The following DISP3 variants were observed in gnomAD, a reference collection of about 807,000 sequenced individuals.
The protein encoded by DISP3 is dispatched RND transporter family member 3.
Under a neutral mutation model 135.3 loss-of-function variants are expected in DISP3, and 101 were observed. The ratio of observed to expected loss-of-function variants is 0.75; its 90% CI spans 0.64 to 0.88. The LOEUF is 0.88. Among genes scored for constraint, DISP3 ranks in the 40% least tolerant of loss-of-function variants. The pLI is 0.00. For synonymous variants in DISP3, 856 were observed against 817.0 expected (o/e 1.05, Z -0.81); for missense variants, 1,713 against 1,878.6 (o/e 0.91, Z 1.63).
chr1:11,534,489 C>T lies in DISP3; in HGVS notation c.3484C>T (p.Arg1162Trp), dbSNP rs745350833. 14 of 1,613,828 alleles carry T rather than the reference C, an allele frequency of 8.7e-6. No individual in the cohort carries two copies. Among genetic ancestry groups the T allele is most frequent in the South Asian group, 4.4e-5 (4 of 91,064 alleles). Residue 1162 changes from arginine to tryptophan, a missense_variant, in exon 18 of 21, where the codon CGG becomes TGG. By Grantham distance (101) the Arg-to-Trp change is moderately radical (BLOSUM62 -3). Coordinates refer to ENST00000294484, the MANE Select transcript of DISP3 (RefSeq NM_020780.2). ...CTTGCCCGAGGGCTCAGTCCTGCGC[C>T]GGGGCTTCCAGACCTGCGAGCACTG... ...QALPEGSVLR[R>W]GFQTCEHWKQ...
At chr1:11,532,706 T>C (rs1436527330) in intron 17 of DISP3, among the ~76,000 whole-genome samples, 1 of 152,134 alleles carries the variant, frequency 6.6e-6, no homozygotes, top group Non-Finnish European at 1.5e-5. Context: ...TTTTTTTGTT[T>C]GTTTGTTTGT....
In DISP3 at chr1:11,493,073, A is replaced by G. The variant is rs537812577; in HGVS notation, c.-3-7917A>G. 6.6e-5 allele frequency among the ~76,000 whole-genome samples: 10 copies of G among 152,266 alleles called. No homozygotes were observed. In the East Asian group the frequency reaches 1.9e-3, roughly 29 times the overall value. ...AATAGCATATATATATCAGAGAGAG[A>G]TTTATTAGAAGGAATTGGCTTATGT... On this transcript the variant is annotated intron_variant, in intron 1 of 20. Coordinates refer to ENST00000294484, the MANE Select transcript of DISP3 (RefSeq NM_020780.2).
intron 3 of DISP3, among the ~76,000 whole-genome samples, chr1:11,511,880 G>T (rs1008521878): frequency 2.6e-5 from 4 of 152,190 alleles, no homozygotes; most frequent in African/African-American, 9.7e-5. Flanking sequence ...GTAGGTGGAG[G>T]TTCCCAAATC....
At chr1:11,518,853 C>CCA (rs1199027123) in intron 7 of DISP3, among the ~76,000 whole-genome samples, 1 of 152,112 alleles carries the variant, frequency 6.6e-6, no homozygotes, top group Non-Finnish European at 1.5e-5. Flanking sequence ...GTGGTATTAG[C>CCA]CACACACACA....
chr1:11,481,061 T>TCACA (rs144258748), intron 1 of DISP3, among the ~76,000 whole-genome samples: 15,020 of 137,800 alleles, frequency 0.11, 935 homozygotes, highest in East Asian at 0.24. Context: ...TCTCTCTCTC[T>TCACA]CTCACACACA....
At chr1:11,490,253 G>A (rs964820152) in intron 1 of DISP3, among the ~76,000 whole-genome samples, 2 of 151,224 alleles carry the variant, frequency 1.3e-5, no homozygotes, top group Admixed American at 1.3e-4. Flanking sequence ...GTGTTGCTGG[G>A]GTTTTTTGTT....
chr1:11,479,567 G>C (rs983974125), intron 1 of DISP3, among the ~76,000 whole-genome samples, 195 bp downstream of exon 1: 1 of 152,230 alleles, frequency 6.6e-6, no homozygotes, highest in African/African-American at 2.4e-5. Context: ...GGGGTGGACA[G>C]AACCCAAGCT....
intron 17 of DISP3, among the ~76,000 whole-genome samples, chr1:11,532,037 C>T (rs1333268502): frequency 2.0e-5 from 3 of 152,172 alleles, no homozygotes; most frequent in Non-Finnish European, 4.4e-5. Context: ...CCAGGATGCC[C>T]CCCTCTGCCA....
At chr1:11,514,259 T>C in intron 3 of DISP3, 131 bp from the exon 4 acceptor site, 1 of 1,138,132 alleles carries the variant, frequency 8.8e-7, no homozygotes, top group South Asian at 1.5e-5. Flanking sequence ...CCAGGTGATT[T>C]TGATATCCAA....
intron 13 of DISP3, 37 bp downstream of exon 13, chr1:11,526,872 C>T: frequency 6.3e-7 from 1 of 1,577,420 alleles, no homozygotes; most frequent in Non-Finnish European, 8.6e-7. Flanking sequence ...TGCCCATCAG[C>T]CCGGCTGCTT....
At chr1:11,532,270 C>T (rs1642594544) in intron 17 of DISP3, among the ~76,000 whole-genome samples, 1 of 152,240 alleles carries the variant, frequency 6.6e-6, no homozygotes, top group Non-Finnish European at 1.5e-5. Flanking sequence ...CTCTCCCAAG[C>T]TTGGCAAGTC....
intron 1 of DISP3, among the ~76,000 whole-genome samples, chr1:11,490,564 C>T (rs902625314): frequency 6.6e-6 from 1 of 152,174 alleles, no homozygotes; most frequent in Non-Finnish European, 1.5e-5. Context: ...CCACCGTGAC[C>T]GGCCATGTTG....
intron 11 of DISP3, 110 bp downstream of exon 11, chr1:11,524,165 G>T: frequency 2.4e-6 from 2 of 843,010 alleles, no homozygotes; most frequent in Non-Finnish European, 3.8e-6. Flanking sequence ...GAAGGAGATT[G>T]TGTGTTCCTG....
Position 11,529,753 on chromosome 1 carries a change from G to GCCT in DISP3, c.2930-33_2930-31dup. The GCCT allele has an allele frequency of 6.2e-7, 1 of 1,604,432 alleles. No homozygotes were observed. Among genetic ancestry groups the GCCT allele is most frequent in the African/African-American group, 1.3e-5 (1 of 74,858 alleles). On this transcript the variant is annotated intron_variant, in intron 14 of 20. Coordinates refer to ENST00000294484, the MANE Select transcript of DISP3 (RefSeq NM_020780.2). The surrounding 1 kb of genome is among the most constrained non-coding windows in gnomAD (Gnocchi z 4.7). ...CCTCGGGGCTCAGGAGCTGGACCCT[G>GCCT]CCTTCCCTTACAGCTGTGACTCCCT...
In DISP3 at chr1:11,520,017, CT is replaced by C. The variant is rs1344921658; in HGVS notation, c.2200+138del. On this transcript the variant is annotated intron_variant, in intron 9 of 20. Coordinates refer to ENST00000294484, the MANE Select transcript of DISP3 (RefSeq NM_020780.2). The surrounding 1 kb of genome is among the most constrained non-coding windows in gnomAD (Gnocchi z 4.8). ...GGGGTCTCTCCCTCTCTGACCCCCCCTCTTTCCTGTGCAGAATGAAGCCGGT... is the reference window on the plus strand; with the variant it reads ...GGGGTCTCTCCCTCTCTGACCCCCCCCTTTCCTGTGCAGAATGAAGCCGGT... 8 of 813,286 alleles carry C rather than the reference CT, an allele frequency of 9.8e-6. No homozygotes were observed. The highest frequency in any genetic ancestry group is 2.9e-5 in the Admixed American group (1 of 34,804). The allele number at this position is 813,286 out of a possible 1,614,324, so 50.4% of individuals were successfully genotyped here.
At chr1:11,534,228 G>T (rs1227265343) in intron 17 of DISP3, among the ~76,000 whole-genome samples, 153 bp from the exon 18 acceptor site, 1 of 152,198 alleles carries the variant, frequency 6.6e-6, no homozygotes, top group East Asian at 1.9e-4. Flanking sequence ...TCCAGAAGCT[G>T]GTGGGGACTC....
In DISP3 at chr1:11,515,498, G is replaced by C. The variant is rs1641984129; in HGVS notation, c.1583G>C (p.Gly528Ala). The change falls in exon 5 of 21, where the codon GGC becomes GCC. Residue 528 changes from glycine to alanine, a missense_variant. Gly to Ala is a moderately conservative substitution (Grantham distance 60). Around this residue, in one of 2 missense-constraint regions of DISP3, gnomAD observed 1,142 missense variants for 1,384.6 expected, o/e 0.82. Coordinates refer to ENST00000294484, the MANE Select transcript of DISP3 (RefSeq NM_020780.2). ...GGGGTGGCCGCCTTCGTGATCGTGG[G>C]CATTGGTGAGTCGCCTCTGTTGTCA... ...LNGVAAFVIV[G>A]IGVDDVFVFI... 1 of 1,603,892 alleles carries C rather than the reference G, an allele frequency of 6.2e-7. No homozygotes were observed. The highest frequency in any genetic ancestry group is 1.7e-5 in the Admixed American group (1 of 59,190).
In DISP3 at chr1:11,501,705, C is replaced by A. The variant is rs1226544324; in HGVS notation, c.713C>A (p.Pro238His). 3.1e-6 allele frequency: 5 copies of A among 1,601,260 alleles called. No individual in the cohort carries two copies. The highest frequency in any genetic ancestry group is 4.3e-6 in the Non-Finnish European group (5 of 1,174,268). ...GGGCGGTACCAGCCCAGCATCCCGC[C>A]CCACGCGGCAGTCGCGGCCAATCAG... Reference protein sequence around the residue: ...KNGRYQPSIPPHAAVAANQSR... With the variant: ...KNGRYQPSIPHHAAVAANQSR... The change falls in exon 2 of 21, where the codon CCC (proline) becomes CAC (histidine). Residue 238 changes from proline to histidine, a missense_variant. Physicochemically the swap from Pro to His is moderately conservative, Grantham distance 77 (BLOSUM62 -2). Transcript: ENST00000294484. This position sits in a 1 kb window ranked among gnomAD's most constrained non-coding sequence, Gnocchi z 4.9.
At chr1:11,528,716 G>T (rs1356702378) in intron 13 of DISP3, among the ~76,000 whole-genome samples, 1 of 152,082 alleles carries the variant, frequency 6.6e-6, no homozygotes. Context: ...GACGGGGCTC[G>T]GTGACACACA....
Sources: gnomAD v4.1 joint callset for allele counts (sites outside exome capture counted in the v4.1 genomes callset) on GRCh38, gnomAD v4.1.1 for gene constraint, gnomAD v4.1.1 regional missense constraint, Gnocchi (gnomAD v3.1) non-coding constraint, MANE v1.5 for transcripts, NCBI Gene and HGNC (gene_info 2026-07-23, HGNC 2026-07-21) for gene names.